The following PDLIM5 variants were observed in gnomAD, a reference collection of about 807,000 sequenced individuals.
PDLIM5 encodes PDZ and LIM domain protein 5.
PDLIM5 carries 34 observed loss-of-function variants against 64.2 expected under a neutral mutation model. That is an observed-to-expected ratio of 0.53 (90% CI 0.40 to 0.71). The LOEUF (loss-of-function observed/expected upper bound fraction) is 0.71, where lower values mean the gene tolerates loss of function less well. PDLIM5 is among the 30% of genes least tolerant of loss of function. PDLIM5 has a pLI of 0.00. For synonymous variants in PDLIM5, 253 were observed against 269.1 expected, an observed-to-expected ratio of 0.94 and a Z score of 0.59; for missense variants, 683 against 733.6, an observed-to-expected ratio of 0.93 and a Z score of 0.80.
At chr4:94,661,042 C>A (rs1742667085) in intron 11 of PDLIM5, among the ~76,000 whole-genome samples, 1 of 151,942 alleles carries the variant, frequency 6.6e-6, no homozygotes, top group Non-Finnish European at 1.5e-5. Context: ...CGAGATCGCG[C>A]CACTACACTT....
chr4:94,495,019 A>G (rs1291733002), intron 2 of PDLIM5, among the ~76,000 whole-genome samples: 3 of 152,138 alleles, frequency 2.0e-5, no homozygotes, highest in Admixed American at 2.0e-4. Flanking sequence ...TGTTAGGATT[A>G]CAGGCGTGAG....
intron 2 of PDLIM5, among the ~76,000 whole-genome samples, chr4:94,483,196 A>G (rs915033557): frequency 3.9e-5 from 6 of 152,168 alleles, no homozygotes; most frequent in Non-Finnish European, 7.3e-5. Flanking sequence ...TAGCCCCTCA[A>G]AATTAGTTTC....
intron 3 of PDLIM5, among the ~76,000 whole-genome samples, chr4:94,565,233 TA>T (rs1432481824): frequency 6.6e-6 from 1 of 152,158 alleles, no homozygotes; most frequent in Non-Finnish European, 1.5e-5. Flanking sequence ...AGATTTTGAC[TA>T]TAATATAAGG....
chr4:94,634,308 A>G (rs1207971558), intron 8 of PDLIM5, among the ~76,000 whole-genome samples: 1 of 152,148 alleles, frequency 6.6e-6, no homozygotes, highest in Non-Finnish European at 1.5e-5. Context: ...TGTACTATGG[A>G]GGTGGTGAGA....
chr4:94,625,017 A>T (rs533438173), intron 8 of PDLIM5, among the ~76,000 whole-genome samples: 1 of 152,250 alleles, frequency 6.6e-6, no homozygotes, highest in Non-Finnish European at 1.5e-5. Flanking sequence ...AGGTAATCCA[A>T]TCTGGAGATA....
At chr4:94,455,914 G>A (rs899365478) in intron 2 of PDLIM5, 106 of 1,452,904 alleles carry the variant, frequency 7.3e-5, no homozygotes, top group Non-Finnish European at 9.8e-5. Context: ...CAACTAGATA[G>A]CCTATGAATA....
intron 2 of PDLIM5, among the ~76,000 whole-genome samples, chr4:94,518,603 A>G (rs1406422158): frequency 1.3e-5 from 2 of 152,238 alleles, no homozygotes; most frequent in African/African-American, 4.8e-5. Flanking sequence ...GCACGCAAGT[A>G]TTACTGTGAG....
intron 2 of PDLIM5, among the ~76,000 whole-genome samples, chr4:94,516,055 T>C (rs1276855692): frequency 6.6e-6 from 1 of 152,232 alleles, no homozygotes; most frequent in Non-Finnish European, 1.5e-5. Flanking sequence ...TCACAGTTGA[T>C]GAAGACATGT....
At chr4:94,530,510 AATATATATATATATAT>A (rs36209951) in intron 3 of PDLIM5, among the ~76,000 whole-genome samples, 59,587 of 140,490 alleles carry the variant, frequency 0.42, 14,044 homozygotes, top group South Asian at 0.68. Flanking sequence ...GGAATCACAG[AATATATATATATATAT>A]ATATATATAT....
intron 3 of PDLIM5, among the ~76,000 whole-genome samples, chr4:94,556,552 T>C (rs955358297): frequency 7.2e-5 from 11 of 152,196 alleles, no homozygotes; most frequent in Non-Finnish European, 1.2e-4. Context: ...TTTCTCCCCA[T>C]CCTCTCTAGC....
chr4:94,490,267 C>A (rs978336579), intron 2 of PDLIM5, among the ~76,000 whole-genome samples: 1 of 151,788 alleles, frequency 6.6e-6, no homozygotes, highest in Non-Finnish European at 1.5e-5. Flanking sequence ...TTTCTATATA[C>A]TTGTTTCTGT....
intron 7 of PDLIM5, among the ~76,000 whole-genome samples, chr4:94,596,492 A>G (rs1190776252): frequency 6.6e-6 from 1 of 151,838 alleles, no homozygotes. Flanking sequence ...AAAGAAACTT[A>G]TGTTTACTAA....
At chr4:94,590,019 C>T (rs569919726) in intron 7 of PDLIM5, among the ~76,000 whole-genome samples, 23 of 152,136 alleles carry the variant, frequency 1.5e-4, no homozygotes, top group African/African-American at 1.7e-4. Flanking sequence ...TCCAGTTATC[C>T]GCCTGTGCCT....
At chr4:94,509,435 A>G (rs1263776401) in intron 2 of PDLIM5, among the ~76,000 whole-genome samples, 2 of 152,134 alleles carry the variant, frequency 1.3e-5, no homozygotes, top group East Asian at 1.9e-4. Flanking sequence ...TTTAAGTTGC[A>G]TGAATGCAAG....
intron 8 of PDLIM5, among the ~76,000 whole-genome samples, chr4:94,627,107 TAATG>T (rs1739760208): frequency 6.6e-6 from 1 of 152,212 alleles, no homozygotes; most frequent in African/African-American, 2.4e-5. Flanking sequence ...TCTCTTCTAA[TAATG>T]TTTTATTGCC....
At position 94,654,683 on chromosome 4, in the gene PDLIM5, A is replaced by G. The variant is rs550161410; in HGVS notation, c.1464+43A>G. On this transcript the variant is annotated intron_variant, in intron 10 of 12. Transcript: ENST00000317968. ...TTTTATTCTGAATGAGTTTTAAAGT[A>G]GAATAATTTTTTGATATGAAAGTCT... 18 of 1,291,982 alleles carry G rather than the reference A, an allele frequency of 1.4e-5. No homozygotes were observed. The African/African-American group carries it at 1.5e-4, about 11-fold the overall frequency. The allele number at this position is 1,291,982 out of a possible 1,614,324, so 80.0% of individuals were successfully genotyped here.
At chr4:94,611,339 T>C (rs1362408406) in intron 7 of PDLIM5, 1 of 645,400 alleles carries the variant, frequency 1.5e-6, no homozygotes, top group Non-Finnish European at 2.6e-6. Context: ...GAATGAACTG[T>C]AATGTCAGTG....
chr4:94,514,369 T>G (rs561076137), intron 2 of PDLIM5, among the ~76,000 whole-genome samples: 1 of 151,894 alleles, frequency 6.6e-6, no homozygotes, highest in Non-Finnish European at 1.5e-5. Context: ...CTCCTGACCT[T>G]GTGATCTGCC....
chr4:94,540,471 G>T (rs1217929318), intron 3 of PDLIM5, among the ~76,000 whole-genome samples: 6 of 152,174 alleles, frequency 3.9e-5, no homozygotes, highest in Non-Finnish European at 8.8e-5. Context: ...TAAATAATTT[G>T]TCTAACGTCA....
Sources: gnomAD v4.1 joint callset for allele counts (sites outside exome capture counted in the v4.1 genomes callset) on GRCh38, gnomAD v4.1.1 for gene constraint, MANE v1.5 for transcripts, NCBI Gene and HGNC (gene_info 2026-07-23, HGNC 2026-07-21) for gene names.